RBFOX1: variants seen among roughly 807,000 people sequenced by gnomAD.
RBFOX1 encodes RNA binding fox-1 homolog 1.
In RBFOX1, 8 loss-of-function variants were observed where a neutral mutation model predicts 57.7. The observed-to-expected ratio is 0.14, with a 90% CI of 0.08 to 0.25. RBFOX1 has a LOEUF of 0.25. RBFOX1 is among the 10% of genes least tolerant of loss of function. The pLI, the probability that RBFOX1 is intolerant of heterozygous loss-of-function variation, is 1.00. For synonymous variants in RBFOX1, 326 were observed against 222.4 expected (o/e 1.47, Z -4.15); for missense variants, 611 against 548.5 (o/e 1.11, Z -1.14).
At chr16:6,216,789 A>T (rs1255109048) in intron 1 of RBFOX1, among the ~76,000 whole-genome samples, 1 of 151,940 alleles carries the variant, frequency 6.6e-6, no homozygotes, top group African/African-American at 2.4e-5. Flanking sequence ...TTTATTTCTC[A>T]CGTATATGCC....
At chr16:5,512,941 G>T (rs2043657339) in intron 2 of RBFOX1, among the ~76,000 whole-genome samples, 2 of 152,040 alleles carry the variant, frequency 1.3e-5, no homozygotes, top group Admixed American at 1.3e-4. Flanking sequence ...TTTGAGACAG[G>T]GTCTCAGTTT....
chr16:6,779,238 G>A (rs2079920609), intron 3 of RBFOX1, among the ~76,000 whole-genome samples: 1 of 151,754 alleles, frequency 6.6e-6, no homozygotes. Flanking sequence ...AATTTTTTTA[G>A]CTCCCGCATT....
intron 5 of RBFOX1, among the ~76,000 whole-genome samples, chr16:7,535,374 A>G (rs1309878506): frequency 2.6e-5 from 4 of 152,192 alleles, no homozygotes; most frequent in African/African-American, 9.7e-5. Context: ...TTTTATTCAC[A>G]GCGAGGATGT....
chr16:5,311,710 C>A (rs550988824), intron 1 of RBFOX1, among the ~76,000 whole-genome samples: 8 of 152,274 alleles, frequency 5.3e-5, no homozygotes, highest in African/African-American at 1.9e-4. Flanking sequence ...TGAGAAATGT[C>A]TATTCATGTC....
intron 3 of RBFOX1, among the ~76,000 whole-genome samples, chr16:6,842,327 C>G (rs1454204003): frequency 6.6e-6 from 1 of 151,982 alleles, no homozygotes; most frequent in Admixed American, 6.6e-5. Flanking sequence ...AGAGAAACAA[C>G]ACATACACAT....
At chr16:5,558,053 C>G (rs985437377) in intron 2 of RBFOX1, among the ~76,000 whole-genome samples, 4 of 152,256 alleles carry the variant, frequency 2.6e-5, no homozygotes, top group East Asian at 3.9e-4. Flanking sequence ...CCCACTCTAT[C>G]CCCCGCTTCC....
chr16:6,682,396 G>A (rs565571547), intron 3 of RBFOX1, among the ~76,000 whole-genome samples: 6 of 151,432 alleles, frequency 4.0e-5, no homozygotes, highest in South Asian at 4.2e-4. Context: ...CCTTCTTGGG[G>A]AAATTGTGAA....
intron 3 of RBFOX1, among the ~76,000 whole-genome samples, chr16:7,003,623 A>G (rs2153638254): frequency 6.6e-6 from 1 of 152,310 alleles, no homozygotes; most frequent in East Asian, 1.9e-4. Flanking sequence ...CTTCCAGGAA[A>G]GTTTTGTTAG....
At chr16:6,197,994 C>T (rs745335869) in intron 1 of RBFOX1, among the ~76,000 whole-genome samples, 2 of 152,140 alleles carry the variant, frequency 1.3e-5, no homozygotes, top group Admixed American at 6.6e-5. Flanking sequence ...TGTGGCTTTT[C>T]TAACACATTG....
At chr16:5,816,418 C>T (rs1262975037) in intron 3 of RBFOX1, among the ~76,000 whole-genome samples, 2 of 152,146 alleles carry the variant, frequency 1.3e-5, no homozygotes, top group Non-Finnish European at 2.9e-5. Flanking sequence ...CCAAGGATGA[C>T]ACTGACTGCC....
chr16:6,857,984 A>G (rs901806244), intron 3 of RBFOX1, among the ~76,000 whole-genome samples: 3 of 152,174 alleles, frequency 2.0e-5, no homozygotes, highest in African/African-American at 4.8e-5. Context: ...TGAAGTTGAG[A>G]GGGAGATTCT....
At chr16:7,169,666 T>C (rs1013491491) in intron 4 of RBFOX1, among the ~76,000 whole-genome samples, 1 of 152,242 alleles carries the variant, frequency 6.6e-6, no homozygotes, top group Admixed American at 6.5e-5. Context: ...AACCAAATTT[T>C]GGTGCAGGGT....
intron 5 of RBFOX1, among the ~76,000 whole-genome samples, chr16:7,559,993 C>G (rs1180464945): frequency 6.6e-6 from 1 of 152,196 alleles, no homozygotes; most frequent in Admixed American, 6.5e-5. Flanking sequence ...TCCTATTTGT[C>G]ACCTGTGAAG....
At chr16:6,846,156 G>A (rs1469839541) in intron 3 of RBFOX1, among the ~76,000 whole-genome samples, 1 of 152,202 alleles carries the variant, frequency 6.6e-6, no homozygotes, top group African/African-American at 2.4e-5. Context: ...GCCCAGAGCT[G>A]CTTACACGGT....
chr16:5,357,240 G>A (rs981636859), intron 1 of RBFOX1, among the ~76,000 whole-genome samples: 2 of 152,192 alleles, frequency 1.3e-5, no homozygotes, highest in African/African-American at 4.8e-5. Flanking sequence ...TTCTACTGGG[G>A]CATTCTCCTT....
chr16:6,684,331 G>C (rs1473955460), intron 3 of RBFOX1, among the ~76,000 whole-genome samples: 4 of 152,182 alleles, frequency 2.6e-5, no homozygotes, highest in Non-Finnish European at 5.9e-5. Context: ...AGGAAGACAG[G>C]TATGCTTTTA....
chr16:6,088,299 G>T (rs956740069), intron 1 of RBFOX1, among the ~76,000 whole-genome samples: 1 of 151,928 alleles, frequency 6.6e-6, no homozygotes, highest in Non-Finnish European at 1.5e-5. Flanking sequence ...TTGTCAATAA[G>T]GGTATTTTCA....
intron 11 of RBFOX1, among the ~76,000 whole-genome samples, chr16:7,632,379 A>G (rs1320659627): frequency 6.6e-6 from 1 of 152,178 alleles, no homozygotes; most frequent in Non-Finnish European, 1.5e-5. Flanking sequence ...GTGTGCATGT[A>G]TCTCCTGAAA....
intron 3 of RBFOX1, among the ~76,000 whole-genome samples, chr16:6,859,426 G>T (rs117219761): frequency 1.3e-4 from 19 of 151,786 alleles, no homozygotes; most frequent in African/African-American, 4.4e-4. Flanking sequence ...GATTTTACTT[G>T]TCAGCTCTCT....
Sources: gnomAD v4.1 joint callset for allele counts (sites outside exome capture counted in the v4.1 genomes callset) on GRCh38, gnomAD v4.1.1 for gene constraint, MANE v1.5 for transcripts, NCBI Gene and HGNC (gene_info 2026-07-23, HGNC 2026-07-21) for gene names.